JAZF1: variants seen among roughly 807,000 people sequenced by gnomAD.
JAZF1 encodes the protein JAZF zinc finger 1.
A neutral mutation model predicts 26.4 loss-of-function variants in JAZF1; 8 were observed. The observed-to-expected ratio is 0.30, with a 90% CI of 0.18 to 0.55. The LOEUF (loss-of-function observed/expected upper bound fraction) is 0.55. JAZF1 is among the 20% of genes least tolerant of loss of function. The probability of loss-of-function intolerance (pLI) is 0.94; values close to 1 mark genes in which losing one functional copy is unlikely to be tolerated. For synonymous variants in JAZF1, 126 were observed against 122.3 expected, an observed-to-expected ratio of 1.03 and a Z score of -0.20; for missense variants, 199 against 322.0, an observed-to-expected ratio of 0.62 and a Z score of 2.92.
chr7:27,906,849 C>T (rs1258871174), intron 2 of JAZF1, among the ~76,000 whole-genome samples: 3 of 152,176 alleles, frequency 2.0e-5, no homozygotes, highest in Non-Finnish European at 4.4e-5. Flanking sequence ...AATTTGACAT[C>T]CACGTAAAGA....
At chr7:27,929,452 C>A (rs1256038473) in intron 2 of JAZF1, among the ~76,000 whole-genome samples, 1 of 152,200 alleles carries the variant, frequency 6.6e-6, no homozygotes, top group Non-Finnish European at 1.5e-5. Flanking sequence ...TCAATGAAAA[C>A]CTTCACTACA....
intron 3 of JAZF1, chr7:27,841,186 G>A (rs1782916662): frequency 3.8e-6 from 1 of 264,944 alleles, no homozygotes; most frequent in African/African-American, 2.2e-5. Flanking sequence ...GACTTGCTCT[G>A]GGGCCAAAAC....
chr7:28,067,318 T>C (rs1050566007), intron 1 of JAZF1, among the ~76,000 whole-genome samples: 57 of 152,116 alleles, frequency 3.7e-4, no homozygotes, highest in African/African-American at 1.4e-3. Flanking sequence ...CAGGGATGAG[T>C]TCTGTTGTTC....
At chr7:28,180,355 G>A (rs1397695612) in intron 1 of JAZF1, 108 bp downstream of exon 1, 3 of 352,682 alleles carry the variant, frequency 8.5e-6, no homozygotes, top group East Asian at 1.1e-4. Flanking sequence ...CGCCCTCCCC[G>A]CCCTGCCGCC....
intron 2 of JAZF1, among the ~76,000 whole-genome samples, chr7:27,976,511 C>T (rs998068722): frequency 1.3e-5 from 2 of 151,888 alleles, no homozygotes; most frequent in Non-Finnish European, 2.9e-5. Flanking sequence ...AGCACGATGC[C>T]TGGTGATTGA....
chr7:27,898,728 G>A (rs1016583531), intron 2 of JAZF1, among the ~76,000 whole-genome samples: 1 of 152,112 alleles, frequency 6.6e-6, no homozygotes, highest in African/African-American at 2.4e-5. Flanking sequence ...CTGGATTGGG[G>A]TTATATCTTC....
chr7:28,015,509 A>G (rs1437569307), intron 1 of JAZF1, among the ~76,000 whole-genome samples: 1 of 152,236 alleles, frequency 6.6e-6, no homozygotes, highest in Non-Finnish European at 1.5e-5. Flanking sequence ...AAGTTTGTTT[A>G]AAACAATTAG....
At chr7:28,080,684 A>G (rs759205909) in intron 1 of JAZF1, among the ~76,000 whole-genome samples, 4 of 152,238 alleles carry the variant, frequency 2.6e-5, no homozygotes, top group Admixed American at 6.5e-5. Context: ...GAAGAGAGAC[A>G]GAGGAAGGAC....
At chr7:27,872,257 A>G (rs1278981293) in intron 3 of JAZF1, among the ~76,000 whole-genome samples, 1 of 152,268 alleles carries the variant, frequency 6.6e-6, no homozygotes, top group Non-Finnish European at 1.5e-5. Flanking sequence ...AAAGAAAAAA[A>G]CAAGCTATTA....
intron 1 of JAZF1, among the ~76,000 whole-genome samples, chr7:27,994,878 C>T (rs886353103): frequency 6.6e-6 from 1 of 152,154 alleles, no homozygotes; most frequent in Non-Finnish European, 1.5e-5. Flanking sequence ...CAGTATTTCT[C>T]CCTCCCTGAC....
At chr7:27,970,833 GTTTAC>G (rs1279661432) in intron 2 of JAZF1, among the ~76,000 whole-genome samples, 2 of 152,174 alleles carry the variant, frequency 1.3e-5, no homozygotes, top group East Asian at 1.9e-4. Context: ...ATGAATCTTA[GTTTAC>G]TTTAACTAGT....
chr7:28,131,470 A>T (rs1442156384), intron 1 of JAZF1, among the ~76,000 whole-genome samples: 1 of 152,176 alleles, frequency 6.6e-6, no homozygotes, highest in African/African-American at 2.4e-5. Context: ...TAAAACCACG[A>T]TATGCACTAG....
intron 2 of JAZF1, among the ~76,000 whole-genome samples, chr7:27,972,840 G>GATAT (rs147011744): frequency 0.045 from 6,717 of 149,060 alleles, 143 homozygotes; most frequent in South Asian, 0.071. Context: ...TGGGGGGAAT[G>GATAT]ATATATATAT....
rs547579749 is a variant in JAZF1 at position 27,888,438 on chromosome 7, ATTTAAG to A, written c.385+6776_385+6781del. 1.5e-3 allele frequency among the ~76,000 whole-genome samples: 235 copies of A among 152,124 alleles called. 1 individual carries two copies. Among genetic ancestry groups the A allele is most frequent in the African/African-American group, 5.3e-3 (220 of 41,514 alleles). On this transcript the variant is annotated intron_variant, in intron 3 of 4. Coordinates refer to ENST00000283928, the MANE Select transcript of JAZF1 (RefSeq NM_175061.4). ...GGGATTTTTTGTCCTTACTAAGCCT[ATTTAAG>A]TTTATTTTGCTTTCTAACAATAAAG...
intron 3 of JAZF1, among the ~76,000 whole-genome samples, chr7:27,883,990 A>T (rs1238773644): frequency 1.3e-5 from 2 of 152,188 alleles, no homozygotes; most frequent in Non-Finnish European, 2.9e-5. Flanking sequence ...TATTTACTTC[A>T]TTGTTCCTAA....
chr7:27,913,566 T>C (rs1784397686), intron 2 of JAZF1: 1 of 254,414 alleles, frequency 3.9e-6, no homozygotes, highest in Non-Finnish European at 8.3e-6. Flanking sequence ...GGAAACCCCT[T>C]GCTCTCTTTC....
chr7:28,146,620 T>C (rs1311557384), intron 1 of JAZF1, among the ~76,000 whole-genome samples: 5 of 152,214 alleles, frequency 3.3e-5, no homozygotes, highest in African/African-American at 1.2e-4. Context: ...AGCCCTTAAA[T>C]AGAGTTGTCC....
chr7:27,975,843 C>T lies in JAZF1; in HGVS notation c.188+16066G>A, dbSNP rs566852526. Among the ~76,000 whole-genome samples, 7 of 152,266 alleles carry T rather than the reference C, an allele frequency of 4.6e-5. No individual in the cohort carries two copies. In the East Asian group the frequency reaches 1.4e-3, roughly 29 times the overall value. On this transcript the variant is annotated intron_variant, in intron 2 of 4. Coordinates refer to ENST00000283928, the MANE Select transcript of JAZF1 (RefSeq NM_175061.4). Reference sequence around the variant, plus strand: ...GATGTGATTTCAATTGTATAAGCAACCTGTTTAAAACATAGAGTGTCCTAA... The same window carrying T: ...GATGTGATTTCAATTGTATAAGCAATCTGTTTAAAACATAGAGTGTCCTAA...
At chr7:28,048,640 T>A (rs1003726496) in intron 1 of JAZF1, among the ~76,000 whole-genome samples, 14 of 152,202 alleles carry the variant, frequency 9.2e-5, no homozygotes, top group African/African-American at 3.1e-4. Context: ...AGTTTGTCAT[T>A]TTCATTATGA....
Sources: gnomAD v4.1 joint callset for allele counts (sites outside exome capture counted in the v4.1 genomes callset) on GRCh38, gnomAD v4.1.1 for gene constraint, MANE v1.5 for transcripts, NCBI Gene and HGNC (gene_info 2026-07-23, HGNC 2026-07-21) for gene names.